The following CELF2 variants were observed in gnomAD, a reference collection of about 807,000 sequenced individuals.
The protein encoded by CELF2 is CUGBP Elav-like family member 2, also known as CUG triplet repeat RNA-binding protein 2.
CELF2 carries 8 observed loss-of-function variants against 62.6 expected under a neutral mutation model. The observed-to-expected ratio is 0.13, with a 90% CI of 0.07 to 0.23. The LOEUF (loss-of-function observed/expected upper bound fraction) is 0.23, where lower values mean the gene tolerates loss of function less well. Among genes scored for constraint, CELF2 ranks in the 10% least tolerant of loss-of-function variants. The pLI, the probability that CELF2 is intolerant of heterozygous loss-of-function variation, is 1.00. For synonymous variants in CELF2, 258 were observed against 250.0 expected, an observed-to-expected ratio of 1.03 and a Z score of -0.30; for missense variants, 333 against 671.0, an observed-to-expected ratio of 0.50 and a Z score of 5.56.
At chr10:10,956,135 A>G (rs2135859533) in intron 2 of CELF2, among the ~76,000 whole-genome samples, 1 of 152,298 alleles carries the variant, frequency 6.6e-6, no homozygotes, top group African/African-American at 2.4e-5. Context: ...TTATAGCAAC[A>G]TCCTTCTTCT....
intron 2 of CELF2, among the ~76,000 whole-genome samples, chr10:11,197,842 C>G (rs189062871): frequency 6.6e-5 from 10 of 152,176 alleles, no homozygotes; most frequent in Admixed American, 6.5e-5. Context: ...TCTTCTGTAG[C>G]GTTTTGATAC....
the CELF2 span, among the ~76,000 whole-genome samples, chr10:10,727,565 G>A: frequency 2.0e-5 from 3 of 151,732 alleles, no homozygotes; most frequent in African/African-American, 7.2e-5. Context: ...TCATGAGGTC[G>A]GGAGATCGAG....
At chr10:11,034,594 G>C (rs2060659466) in intron 1 of CELF2, among the ~76,000 whole-genome samples, 1 of 152,118 alleles carries the variant, frequency 6.6e-6, no homozygotes, top group Non-Finnish European at 1.5e-5. Context: ...TTGGCCATTT[G>C]GACTGTAGCA....
At chr10:11,228,073 G>A (rs891198792) in intron 3 of CELF2, among the ~76,000 whole-genome samples, 1 of 152,156 alleles carries the variant, frequency 6.6e-6, no homozygotes, top group African/African-American at 2.4e-5. Flanking sequence ...ATGAATTGCT[G>A]TCATTCTATA....
rs577778126 is a variant in CELF2, at chr10:10,835,550, T to A, written c.53+36733T>A. On this transcript the variant is annotated intron_variant, in intron 1 of 13. Coordinates refer to the CELF2 transcript ENST00000636488. ...GATGCCCGAAACCACACCCAGCTAA[T>A]TTTTGTATTTTTAGCAGATATGGGG... 3.9e-5 allele frequency among the ~76,000 whole-genome samples: 6 copies of A among 152,136 alleles called. No individual in the cohort carries two copies. In the East Asian group the frequency reaches 9.7e-4, roughly 25 times the overall value.
At chr10:10,925,669 T>C (rs1225501791) in intron 2 of CELF2, among the ~76,000 whole-genome samples, 1 of 152,168 alleles carries the variant, frequency 6.6e-6, no homozygotes, top group East Asian at 1.9e-4. Flanking sequence ...ACCAACCTTC[T>C]GAGCAGGACT....
chr10:11,323,528 A>G (rs1591570419), intron 11 of CELF2, among the ~76,000 whole-genome samples: 1 of 151,946 alleles, frequency 6.6e-6, no homozygotes, highest in East Asian at 1.9e-4. Flanking sequence ...TTTTTTCCCC[A>G]GACAGGAAGT....
chr10:10,712,147 CAAAAAAAAAAA>C, the CELF2 span, among the ~76,000 whole-genome samples: 14 of 43,424 alleles, frequency 3.2e-4, no homozygotes, highest in South Asian at 4.0e-3. Context: ...AGGATAGAGA[CAAAAAAAAAAA>C]AAAAAAAAAA....
the CELF2 span, among the ~76,000 whole-genome samples, chr10:10,785,999 T>C: frequency 6.6e-6 from 1 of 152,216 alleles, no homozygotes; most frequent in South Asian, 2.1e-4. Context: ...ATCATAAATA[T>C]ATATCATTTT....
chr10:11,101,554 G>A (rs2051645451), intron 1 of CELF2, among the ~76,000 whole-genome samples: 1 of 152,176 alleles, frequency 6.6e-6, no homozygotes, highest in Non-Finnish European at 1.5e-5. Flanking sequence ...GACAACCTGG[G>A]TAGTATCATA....
chr10:11,294,156 G>A (rs1172106176), intron 9 of CELF2, among the ~76,000 whole-genome samples: 1 of 152,252 alleles, frequency 6.6e-6, no homozygotes, highest in East Asian at 1.9e-4. Context: ...CTGATGTCAC[G>A]ATATAGAATA....
chr10:10,946,348 TTG>T (rs1237473892), intron 2 of CELF2: 1 of 152,450 alleles, frequency 6.6e-6, no homozygotes, highest in Non-Finnish European at 1.5e-5. Context: ...GGTGTAGAAA[TTG>T]TGTCATTCCA....
At chr10:10,464,228 A>G in the CELF2 span, among the ~76,000 whole-genome samples, 1 of 152,280 alleles carries the variant, frequency 6.6e-6, no homozygotes, top group African/African-American at 2.4e-5. Context: ...CAACAAGAGA[A>G]AATGCTGTGG....
the CELF2 span, among the ~76,000 whole-genome samples, chr10:10,752,162 T>C: frequency 1.3e-5 from 2 of 152,236 alleles, no homozygotes; most frequent in African/African-American, 2.4e-5. Flanking sequence ...TCCATTTGGC[T>C]TGTACTCCTC....
chr10:10,914,527 A>T (rs943542919), intron 1 of CELF2, among the ~76,000 whole-genome samples: 2 of 152,172 alleles, frequency 1.3e-5, no homozygotes, highest in African/African-American at 4.8e-5. Context: ...CACAGGGGAC[A>T]CTTGTCTGCT....
chr10:10,556,624 G>C, the CELF2 span, among the ~76,000 whole-genome samples: 1 of 152,068 alleles, frequency 6.6e-6, no homozygotes. Context: ...TTCCACAATG[G>C]TTGAACTAGT....
At chr10:11,294,458 C>T (rs976796253) in intron 9 of CELF2, among the ~76,000 whole-genome samples, 2 of 152,174 alleles carry the variant, frequency 1.3e-5, no homozygotes, top group South Asian at 4.1e-4. Flanking sequence ...TAGCCTTTAC[C>T]GTCCTCTTTT....
chr10:10,654,967 A>G, the CELF2 span, among the ~76,000 whole-genome samples: 2 of 143,276 alleles, frequency 1.4e-5, no homozygotes, highest in African/African-American at 5.2e-5. Flanking sequence ...TATCTAGAAA[A>G]CCCCATTGTC....
intron 1 of CELF2, among the ~76,000 whole-genome samples, chr10:11,056,694 A>G (rs532746144): frequency 1.3e-5 from 2 of 152,254 alleles, no homozygotes; most frequent in Non-Finnish European, 2.9e-5. Context: ...TGAAACATTT[A>G]AGATGAAGCA....
Sources: gnomAD v4.1 joint callset for allele counts (sites outside exome capture counted in the v4.1 genomes callset) on GRCh38, gnomAD v4.1.1 for gene constraint, MANE v1.5 for transcripts, NCBI Gene and HGNC (gene_info 2026-07-23, HGNC 2026-07-21) for gene names.